The following SHISA9 variants were observed in gnomAD, a reference collection of about 807,000 sequenced individuals.
SHISA9 encodes shisa family member 9.
A neutral mutation model predicts 38.0 loss-of-function variants in SHISA9; 13 were observed. That is an observed-to-expected ratio of 0.34 (90% CI 0.22 to 0.54). SHISA9 has a LOEUF of 0.54. Among genes scored for constraint, SHISA9 ranks in the 20% least tolerant of loss-of-function variants. SHISA9 has a pLI of 0.91. For synonymous variants in SHISA9, 275 were observed against 242.0 expected (o/e 1.14, Z -1.27); for missense variants, 538 against 575.8 (o/e 0.93, Z 0.67).
the SHISA9 span, among the ~76,000 whole-genome samples, chr16:13,267,290 T>A: frequency 6.6e-6 from 1 of 152,160 alleles, no homozygotes. Flanking sequence ...TAAAAACATA[T>A]GGGAACATAT....
chr16:13,096,025 G>T (rs2141952658), intron 2 of SHISA9, among the ~76,000 whole-genome samples: 1 of 152,348 alleles, frequency 6.6e-6, no homozygotes, highest in Non-Finnish European at 1.5e-5. Flanking sequence ...GGTCAAGAGT[G>T]AAAGCCCTGG....
At chr16:12,915,882 A>G (rs148782616) in intron 1 of SHISA9, among the ~76,000 whole-genome samples, 2 of 152,306 alleles carry the variant, frequency 1.3e-5, no homozygotes, top group East Asian at 3.9e-4. Flanking sequence ...TGATCTAAAT[A>G]AACACATGAT....
At chr16:13,301,584 A>G in the SHISA9 span, among the ~76,000 whole-genome samples, 1 of 152,278 alleles carries the variant, frequency 6.6e-6, no homozygotes, top group South Asian at 2.1e-4. Context: ...GCAGAAAATT[A>G]TAACTAAGCA....
chr16:13,247,575 TTAAA>T, the SHISA9 span, among the ~76,000 whole-genome samples: 4 of 151,008 alleles, frequency 2.6e-5, no homozygotes, highest in African/African-American at 9.9e-5. Flanking sequence ...GTTACTGTGG[TTAAA>T]TAAATAAATA....
the SHISA9 span, among the ~76,000 whole-genome samples, chr16:13,428,236 C>G: frequency 6.6e-6 from 1 of 151,986 alleles, no homozygotes; most frequent in Non-Finnish European, 1.5e-5. Context: ...ATCCTTCTAA[C>G]CTAGCATAAT....
intron 2 of SHISA9, among the ~76,000 whole-genome samples, chr16:13,135,141 T>C (rs2050337855): frequency 6.6e-6 from 1 of 152,146 alleles, no homozygotes; most frequent in African/African-American, 2.4e-5. Flanking sequence ...AATTCTTCCA[T>C]AGGGAAGAAC....
chr16:13,382,545 A>G, the SHISA9 span, among the ~76,000 whole-genome samples: 2 of 150,662 alleles, frequency 1.3e-5, no homozygotes, highest in African/African-American at 4.9e-5. Flanking sequence ...AAAAAAAAAA[A>G]AAAAGAAAGA....
intron 2 of SHISA9, among the ~76,000 whole-genome samples, chr16:12,971,828 A>G (rs2072086997): frequency 1.3e-5 from 2 of 152,166 alleles, no homozygotes; most frequent in Admixed American, 1.3e-4. Context: ...TCCTTTCCAG[A>G]TCAGTGTTTA....
At chr16:13,046,937 A>T (rs1009656912) in intron 2 of SHISA9, among the ~76,000 whole-genome samples, 3 of 151,494 alleles carry the variant, frequency 2.0e-5, no homozygotes, top group African/African-American at 7.3e-5. Flanking sequence ...ACCCCTCATG[A>T]TCTCTGTGGC....
At chr16:13,559,383 AT>A in the SHISA9 span, among the ~76,000 whole-genome samples, 706 of 141,630 alleles carry the variant, frequency 5.0e-3, 3 homozygotes, top group African/African-American at 0.015. Context: ...TGCATTTTCT[AT>A]TTTTTTTTTT....
intron 2 of SHISA9, among the ~76,000 whole-genome samples, chr16:13,120,362 C>G (rs191981281): frequency 2.1e-4 from 32 of 152,226 alleles, no homozygotes; most frequent in Admixed American, 1.5e-3. Context: ...GGGGATTGCA[C>G]AGCAAACATC....
the SHISA9 span, among the ~76,000 whole-genome samples, chr16:13,437,017 T>A: frequency 6.6e-6 from 1 of 152,152 alleles, no homozygotes; most frequent in Non-Finnish European, 1.5e-5. Flanking sequence ...TGAGACTTAC[T>A]CATTTTCATG....
the SHISA9 span, among the ~76,000 whole-genome samples, chr16:13,379,998 C>A: frequency 2.0e-5 from 3 of 151,810 alleles, no homozygotes; most frequent in Admixed American, 1.3e-4. Context: ...AAAAAGATAA[C>A]AATTATTTTA....
chr16:13,270,484 C>T, the SHISA9 span, among the ~76,000 whole-genome samples: 1 of 152,140 alleles, frequency 6.6e-6, no homozygotes, highest in Non-Finnish European at 1.5e-5. Flanking sequence ...ATAGAATGAG[C>T]TTTGCAAGAA....
chr16:13,123,618 G>A (rs1050933162), intron 2 of SHISA9, among the ~76,000 whole-genome samples: 5 of 152,198 alleles, frequency 3.3e-5, no homozygotes, highest in Admixed American at 1.3e-4. Flanking sequence ...AACACAGCTG[G>A]CAGTTTCTGA....
the SHISA9 span, among the ~76,000 whole-genome samples, chr16:13,488,782 G>A: frequency 1.3e-5 from 2 of 152,092 alleles, no homozygotes; most frequent in African/African-American, 2.4e-5. Flanking sequence ...ATTTTTTGGA[G>A]ACGGAGTCTC....
At chr16:13,476,004 C>T in the SHISA9 span, among the ~76,000 whole-genome samples, 7 of 152,166 alleles carry the variant, frequency 4.6e-5, no homozygotes, top group Non-Finnish European at 1.0e-4. Context: ...GCCCACTGCT[C>T]ACCTCCTGCT....
chr16:13,400,806 C>T, the SHISA9 span, among the ~76,000 whole-genome samples: 3 of 152,216 alleles, frequency 2.0e-5, no homozygotes, highest in African/African-American at 7.2e-5. Context: ...TTAGGAGGCC[C>T]TAAATGTCAG....
the SHISA9 span, among the ~76,000 whole-genome samples, chr16:13,444,437 A>G: frequency 5.3e-4 from 73 of 139,010 alleles, no homozygotes; most frequent in Non-Finnish European, 7.9e-5. Flanking sequence ...GGAAGGAAGG[A>G]AGGGAGGAAA....
Sources: gnomAD v4.1 joint callset for allele counts (sites outside exome capture counted in the v4.1 genomes callset) on GRCh38, gnomAD v4.1.1 for gene constraint, MANE v1.5 for transcripts, NCBI Gene and HGNC (gene_info 2026-07-23, HGNC 2026-07-21) for gene names.